The following ROBO2 variants were observed in gnomAD, a reference collection of about 807,000 sequenced individuals.
ROBO2 encodes the protein roundabout homolog 2.
In ROBO2, 53 loss-of-function variants were observed where a neutral mutation model predicts 160.8. That is an observed-to-expected ratio of 0.33 (90% confidence interval 0.26 to 0.41). The LOEUF is 0.41. Ranked by LOEUF, ROBO2 falls within the 10% of genes least tolerant of loss-of-function variation. The pLI, the probability that ROBO2 is intolerant of heterozygous loss-of-function variation, is 1.00. For synonymous variants in ROBO2, 664 were observed against 611.7 expected (o/e 1.09, Z -1.26); for missense variants, 1,577 against 1,722.4 (o/e 0.92, Z 1.49).
At chr3:76,309,049 CA>C (rs1219732058) in intron 2 of ROBO2, among the ~76,000 whole-genome samples, 1 of 151,892 alleles carries the variant, frequency 6.6e-6, no homozygotes, top group East Asian at 1.9e-4. Context: ...AGGGCCAAGA[CA>C]TTTTTTTTTT....
intron 2 of ROBO2, among the ~76,000 whole-genome samples, chr3:77,158,990 A>C (rs889072757): frequency 2.6e-5 from 4 of 152,104 alleles, no homozygotes; most frequent in African/African-American, 9.7e-5. Context: ...ATTAAGGGCC[A>C]GCTGACAGAG....
chr3:76,929,886 C>T (rs1037473264), intron 2 of ROBO2, among the ~76,000 whole-genome samples: 9 of 152,216 alleles, frequency 5.9e-5, no homozygotes, highest in African/African-American at 2.2e-4. Flanking sequence ...AAGGCCCATT[C>T]TGTGGTTTCC....
rs73842824 is a variant in ROBO2 at position 77,319,252 on chromosome 3, T to C, written c.389-158162T>C. Among the ~76,000 whole-genome samples, 1,462 of 152,334 alleles carry C rather than the reference T, an allele frequency of 9.6e-3. 17 individuals are homozygous for C. Among genetic ancestry groups the C allele is most frequent in the African/African-American group, 0.031 (1,303 of 41,580 alleles). On this transcript the variant is annotated intron_variant, in intron 2 of 25. Transcript: ENST00000461745. ...ACAGAACTCTGGTTCATTTTATGCA[T>C]ACATTATTCTAACTTTGGATAAAGA...
At chr3:75,922,726 A>G (rs1179215134) in intron 1 of ROBO2, among the ~76,000 whole-genome samples, 4 of 152,176 alleles carry the variant, frequency 2.6e-5, no homozygotes, top group Admixed American at 2.0e-4. Context: ...GTAAATATAT[A>G]CATCCAAAAA....
chr3:76,153,631 C>T (rs1270501129), intron 2 of ROBO2, among the ~76,000 whole-genome samples: 2 of 152,106 alleles, frequency 1.3e-5, no homozygotes, highest in African/African-American at 2.4e-5. Flanking sequence ...GAAGACGAAC[C>T]TTACAATCCT....
chr3:76,663,304 G>A (rs2091900449), intron 2 of ROBO2, among the ~76,000 whole-genome samples: 1 of 152,120 alleles, frequency 6.6e-6, no homozygotes, highest in Admixed American at 6.5e-5. Context: ...ATTTAGGCAG[G>A]CTAAGTTTGT....
chr3:76,682,200 C>T (rs1417150531), intron 2 of ROBO2, among the ~76,000 whole-genome samples: 2 of 152,048 alleles, frequency 1.3e-5, no homozygotes, highest in Non-Finnish European at 2.9e-5. Context: ...AGGGAGAAAT[C>T]AAGAATGACA....
rs12491903 is a variant in ROBO2 at position 77,366,065 on chromosome 3, C to T, written c.389-111349C>T. The stretch of plus-strand genomic sequence containing the variant: ...TGATTATATTCTCCTATTGTTATAA[C>T]AACTGAAATGAGAACACAACCTAAA... On this transcript the variant is annotated intron_variant, in intron 2 of 25. Coordinates refer to ENST00000461745, the Ensembl canonical transcript of ROBO2. Among the ~76,000 whole-genome samples the T allele has an allele frequency of 7.1e-3, 1,087 of 152,218 alleles. 11 individuals carry two copies. The highest frequency in any genetic ancestry group is 0.026 in the Admixed American group (403 of 15,280).
intron 2 of ROBO2, among the ~76,000 whole-genome samples, chr3:76,921,468 T>C (rs890557279): frequency 3.9e-5 from 6 of 152,150 alleles, no homozygotes; most frequent in Admixed American, 3.3e-4. Context: ...AAAAATTAGC[T>C]GGGCGTGGTG....
At chr3:76,471,739 G>A (rs566838514) in intron 2 of ROBO2, among the ~76,000 whole-genome samples, 1 of 152,038 alleles carries the variant, frequency 6.6e-6, no homozygotes, top group African/African-American at 2.4e-5. Flanking sequence ...ATTTATAAAG[G>A]AAAAGGTTTA....
chr3:76,691,465 AG>A (rs2092800194), intron 2 of ROBO2, among the ~76,000 whole-genome samples: 1 of 152,168 alleles, frequency 6.6e-6, no homozygotes, highest in Non-Finnish European at 1.5e-5. Flanking sequence ...GATCAAAAAT[AG>A]GTGGAAGCTA....
chr3:76,217,833 G>A (rs943968122), intron 2 of ROBO2, among the ~76,000 whole-genome samples: 3 of 152,216 alleles, frequency 2.0e-5, no homozygotes, highest in South Asian at 2.1e-4. Flanking sequence ...TCATCCTGAT[G>A]CCAAAGCCTG....
chr3:76,922,924 G>C (rs933259518), intron 2 of ROBO2, among the ~76,000 whole-genome samples: 2 of 152,088 alleles, frequency 1.3e-5, no homozygotes, highest in Admixed American at 1.3e-4. Flanking sequence ...TTCCTGACAG[G>C]GTGCAAAAGT....
chr3:76,341,384 C>T (rs2108170686), intron 2 of ROBO2, among the ~76,000 whole-genome samples: 1 of 143,178 alleles, frequency 7.0e-6, no homozygotes, highest in South Asian at 2.2e-4. Flanking sequence ...TCGTATGGCC[C>T]CAGAACTAAG....
intron 2 of ROBO2, among the ~76,000 whole-genome samples, chr3:76,458,124 AATGAGTTTTTCTT>A (rs1428767926): frequency 1.3e-5 from 2 of 152,162 alleles, no homozygotes; most frequent in East Asian, 3.9e-4. Context: ...CTCAGAAGAA[AATGAGTTTTTCTT>A]TTCTATCACA....
At chr3:76,282,714 G>A (rs1708293952) in intron 2 of ROBO2, among the ~76,000 whole-genome samples, 1 of 151,780 alleles carries the variant, frequency 6.6e-6, no homozygotes, top group Non-Finnish European at 1.5e-5. Context: ...ATGAGTGATC[G>A]TTCTTGCTGG....
intron 2 of ROBO2, among the ~76,000 whole-genome samples, chr3:76,817,376 A>T (rs1277470430): frequency 6.6e-6 from 1 of 152,096 alleles, no homozygotes; most frequent in East Asian, 1.9e-4. Context: ...TGTGTTTCTC[A>T]GGGCATCATT....
chr3:76,951,326 C>A (rs2078941247), intron 2 of ROBO2, among the ~76,000 whole-genome samples: 1 of 152,226 alleles, frequency 6.6e-6, no homozygotes, highest in Admixed American at 6.5e-5. Flanking sequence ...CTGGTTATAA[C>A]ATCTTCTATC....
intron 2 of ROBO2, among the ~76,000 whole-genome samples, chr3:76,480,441 C>G (rs2079148935): frequency 6.6e-6 from 1 of 152,074 alleles, no homozygotes; most frequent in Admixed American, 6.6e-5. Context: ...ACCTAAAATG[C>G]AGGCTTCCTT....
Sources: gnomAD v4.1 joint callset for allele counts (sites outside exome capture counted in the v4.1 genomes callset) on GRCh38, gnomAD v4.1.1 for gene constraint, MANE v1.5 for transcripts, NCBI Gene and HGNC (gene_info 2026-07-23, HGNC 2026-07-21) for gene names.